The following PRR16 variants were observed in gnomAD, a reference collection of about 807,000 sequenced individuals.
PRR16 encodes proline rich 16, also known as protein Largen.
PRR16 carries 6 observed loss-of-function variants against 18.2 expected under a neutral mutation model. That is an observed-to-expected ratio of 0.33 (90% CI 0.18 to 0.65). The LOEUF (loss-of-function observed/expected upper bound fraction) is 0.65. Among genes scored for constraint, PRR16 ranks in the 30% least tolerant of loss-of-function variants. The pLI, the probability that PRR16 is intolerant of heterozygous loss-of-function variation, is 0.74. For synonymous variants in PRR16, 151 were observed against 147.8 expected (o/e 1.02, Z -0.16); for missense variants, 412 against 376.6 (o/e 1.09, Z -0.78).
downstream of PRR16, among the ~76,000 whole-genome samples, chr5:120,691,282 A>T (rs1757205960): frequency 6.6e-6 from 1 of 152,084 alleles, no homozygotes; most frequent in South Asian, 2.1e-4. Flanking sequence ...TATTCTGATC[A>T]GTTATTTTGA....
intron 1 of PRR16, among the ~76,000 whole-genome samples, chr5:120,593,766 A>T (rs1163231682): frequency 6.6e-6 from 1 of 152,148 alleles, no homozygotes; most frequent in Non-Finnish European, 1.5e-5. Flanking sequence ...AAATACCAAC[A>T]AACCGAATCT....
At chr5:120,516,914 AG>A (rs1210574119) in intron 1 of PRR16, among the ~76,000 whole-genome samples, 5 of 151,980 alleles carry the variant, frequency 3.3e-5, no homozygotes, top group African/African-American at 7.3e-5. Flanking sequence ...TTTGTCAGGC[AG>A]GGCCACTGAG....
At chr5:120,482,441 T>G (rs987219885) in intron 1 of PRR16, among the ~76,000 whole-genome samples, 7 of 152,198 alleles carry the variant, frequency 4.6e-5, no homozygotes, top group Non-Finnish European at 7.3e-5. Context: ...GCATCCATGT[T>G]GCTGCAAAGA....
At chr5:120,720,783 G>C in the PRR16 span, among the ~76,000 whole-genome samples, 1 of 151,784 alleles carries the variant, frequency 6.6e-6, no homozygotes, top group African/African-American at 2.4e-5. Flanking sequence ...AGTGTGTCTT[G>C]AACAGTTTTA....
intron 1 of PRR16, among the ~76,000 whole-genome samples, chr5:120,633,941 C>G (rs1823929): frequency 0.54 from 81,379 of 151,974 alleles, 22,455 homozygotes; most frequent in East Asian, 0.92. Context: ...ACAAGTAGAA[C>G]TAACAAATAT....
chr5:120,780,152 A>C, the PRR16 span, among the ~76,000 whole-genome samples: 11 of 152,292 alleles, frequency 7.2e-5, no homozygotes, highest in South Asian at 2.1e-3. Flanking sequence ...CTACCATGGG[A>C]TGGAACTTAC....
At chr5:120,479,327 C>G (rs1395929394) in intron 1 of PRR16, among the ~76,000 whole-genome samples, 1 of 152,056 alleles carries the variant, frequency 6.6e-6, no homozygotes, top group African/African-American at 2.4e-5. Flanking sequence ...GGACCTCTGT[C>G]TTTAAAGACC....
the PRR16 span, among the ~76,000 whole-genome samples, chr5:120,711,600 C>G: frequency 3.3e-5 from 5 of 152,172 alleles, no homozygotes; most frequent in Non-Finnish European, 7.3e-5. Flanking sequence ...GATATGCGAT[C>G]TGGGCCATAT....
rs199619912 is a variant in PRR16 at position 120,686,676 on chromosome 5, G to A, written c.882G>A (p.Thr294=). ...PPPTAPKPQK[T]ILRKSTTTTV is the part of the protein sequence containing the mutation. ...CCACTGCACCAAAACCACAGAAGAC[G>A]ATCTTGAGGAAGTCAACCACTACAA... Residue 294 remains threonine, a synonymous_variant, in exon 2 of 2, where the codon ACG becomes ACA. Coordinates refer to ENST00000407149, the MANE Select transcript of PRR16 (RefSeq NM_001300783.2). 59 of 1,560,296 alleles carry A rather than the reference G, an allele frequency of 3.8e-5. No individual in the cohort carries two copies. The highest frequency in any genetic ancestry group is 4.7e-5 in the Non-Finnish European group (54 of 1,152,184).
chr5:120,622,269 T>C (rs886599960), intron 1 of PRR16, among the ~76,000 whole-genome samples: 2 of 152,114 alleles, frequency 1.3e-5, no homozygotes, highest in Admixed American at 6.6e-5. Context: ...TAAGTGTGTA[T>C]GGAGTGAAGG....
At position 120,678,628 on chromosome 5, in the gene PRR16, G is replaced by A. The variant is rs544904553; in HGVS notation, c.160-7326G>A. On this transcript the variant is annotated intron_variant, in intron 1 of 1. Transcript: ENST00000407149. ...AGGAGCTTAGGAAAAGGATCTACTA[G>A]TAGTTTTTTTATCTTGCTACTTTGC... Among the ~76,000 whole-genome samples the A allele has an allele frequency of 9.8e-5, 15 of 152,286 alleles. No individual in the cohort carries two copies. The South Asian group carries it at 3.1e-3, about 32-fold the overall frequency.
intron 1 of PRR16, among the ~76,000 whole-genome samples, chr5:120,492,791 A>T (rs1750106560): frequency 6.6e-6 from 1 of 152,138 alleles, no homozygotes. Flanking sequence ...GATCCCAGTT[A>T]TAAGTGAGGA....
chr5:120,772,827 G>A, the PRR16 span, among the ~76,000 whole-genome samples: 1 of 151,988 alleles, frequency 6.6e-6, no homozygotes, highest in African/African-American at 2.4e-5. Context: ...ATAACCCTGA[G>A]GCTGTTCAGT....
At chr5:120,732,699 T>C in the PRR16 span, among the ~76,000 whole-genome samples, 1 of 152,184 alleles carries the variant, frequency 6.6e-6, no homozygotes, top group African/African-American at 2.4e-5. Flanking sequence ...GGTCAGCACC[T>C]GTGTAACCTT....
intron 1 of PRR16, among the ~76,000 whole-genome samples, chr5:120,664,851 T>C (rs1447525337): frequency 2.0e-5 from 3 of 149,826 alleles, no homozygotes; most frequent in Non-Finnish European, 4.5e-5. Context: ...TAATCCAGTC[T>C]ATCATTGTTG....
At chr5:120,488,563 C>T (rs555975513) in intron 1 of PRR16, among the ~76,000 whole-genome samples, 45 of 152,178 alleles carry the variant, frequency 3.0e-4, no homozygotes, top group African/African-American at 4.8e-4. Flanking sequence ...GCCTTGCTAG[C>T]GGTCTATCAA....
the PRR16 span, among the ~76,000 whole-genome samples, chr5:120,792,738 A>G: frequency 5.9e-5 from 9 of 152,320 alleles, no homozygotes; most frequent in Middle Eastern, 3.4e-3. Context: ...ATTAGGAACA[A>G]AAGGGTAAGA....
chr5:120,645,208 G>A (rs1391063732), intron 1 of PRR16, among the ~76,000 whole-genome samples: 1 of 151,952 alleles, frequency 6.6e-6, no homozygotes, highest in Non-Finnish European at 1.5e-5. Context: ...TTTCTTCTTT[G>A]TCTATGTCAT....
At chr5:120,628,225 G>C (rs1754930862) in intron 1 of PRR16, among the ~76,000 whole-genome samples, 1 of 152,068 alleles carries the variant, frequency 6.6e-6, no homozygotes, top group Admixed American at 6.6e-5. Context: ...GACAGTAAGG[G>C]AACAAAGATG....
Sources: allele counts gnomAD v4.1 joint callset (sites outside exome capture counted in the v4.1 genomes callset), GRCh38; gene constraint gnomAD v4.1.1; transcripts MANE v1.5; gene names NCBI Gene and HGNC (gene_info 2026-07-23, HGNC 2026-07-21).